ADAMTS9: variants seen among roughly 807,000 people sequenced by gnomAD.
ADAMTS9 encodes the protein ADAM metallopeptidase with thrombospondin type 1 motif 9.
ADAMTS9 carries 107 observed loss-of-function variants against 257.1 expected under a neutral mutation model. The ratio of observed to expected loss-of-function variants is 0.42; its 90% CI spans 0.36 to 0.49. ADAMTS9 has a LOEUF of 0.49. Ranked by LOEUF, ADAMTS9 falls within the 20% of genes least tolerant of loss-of-function variation. The pLI is 0.03. For synonymous variants in ADAMTS9, 982 were observed against 880.9 expected, an observed-to-expected ratio of 1.11 and a Z score of -2.03; for missense variants, 2,353 against 2,469.1, an observed-to-expected ratio of 0.95 and a Z score of 1.00.
chr3:64,598,409 T>C (rs1404333904), intron 26 of ADAMTS9, among the ~76,000 whole-genome samples: 1 of 151,230 alleles, frequency 6.6e-6, no homozygotes, highest in Non-Finnish European at 1.5e-5. Flanking sequence ...CCTCAACCTC[T>C]CAGCTCAAGC....
intron 3 of ADAMTS9, 21 bp downstream of exon 3, chr3:64,681,180 G>A (rs781221887): frequency 1.7e-5 from 28 of 1,605,906 alleles, no homozygotes; most frequent in East Asian, 2.2e-5. Flanking sequence ...TGGGCTCTCC[G>A]CTTAAGCAAG....
intron 28 of ADAMTS9, among the ~76,000 whole-genome samples, chr3:64,573,329 G>A (rs1331085037): frequency 6.6e-6 from 1 of 152,116 alleles, no homozygotes; most frequent in Non-Finnish European, 1.5e-5. Context: ...ATATGAAATG[G>A]GGGTGCTGAC....
At chr3:64,647,341 A>G (rs1200956650) in intron 11 of ADAMTS9, among the ~76,000 whole-genome samples, 1 of 152,214 alleles carries the variant, frequency 6.6e-6, no homozygotes, top group African/African-American at 2.4e-5. Context: ...TCCTAGGTGC[A>G]TGAGACACTG....
chr3:64,537,159 A>C (rs1268738741), intron 37 of ADAMTS9, among the ~76,000 whole-genome samples: 2 of 152,222 alleles, frequency 1.3e-5, no homozygotes, highest in African/African-American at 4.8e-5. Context: ...GCTGGGAAAA[A>C]ATACAAATTA....
intron 12 of ADAMTS9, among the ~76,000 whole-genome samples, chr3:64,634,938 G>A (rs931507721): frequency 2.0e-5 from 3 of 152,184 alleles, no homozygotes; most frequent in African/African-American, 7.2e-5. Context: ...TCTAGAGTTG[G>A]ATCTTGGTTC....
Position 64,655,677 on chromosome 3 carries a change from T to C in ADAMTS9, c.1068A>G (p.Ile356Met). The C allele has an allele frequency of 6.2e-7, 1 of 1,614,066 alleles. No individual in the cohort carries two copies. Among genetic ancestry groups the C allele is most frequent in the African/African-American group, 1.3e-5 (1 of 75,050 alleles). Residue 356 changes from isoleucine (I) to methionine (M), a missense_variant, in exon 6 of 40, where the codon ATA (isoleucine) becomes ATG (methionine). Ile to Met is a conservative substitution (Grantham distance 10). This residue lies in a region of ADAMTS9 where 591 missense variants were observed against 569.6 expected (regional missense o/e 1.04). Transcript: ENST00000498707. ...TTAATGTTGTCTGAGCATTAAAAGA[T>C]ATGGAAGGCCCATCCTAAATACAGA... is the stretch of plus-strand genomic sequence containing the variant. ...VIHNEQDGPS[I>M]SFNAQTTLKN...
At position 64,615,990 on chromosome 3, in the gene ADAMTS9, C is replaced by G; in HGVS notation, c.2994G>C (p.Thr998=). 1 of 1,613,634 alleles carries G rather than the reference C, an allele frequency of 6.2e-7. No individual in the cohort carries two copies. Among genetic ancestry groups the G allele is most frequent in the South Asian group, 1.1e-5 (1 of 91,058 alleles). ...TCCAGGCAGAATAGCGCCAGCCACC[C>G]GTGTTACATTCCCCTGAGCATTTTT... is the stretch of plus-strand genomic sequence containing the variant. ...NREKCSGECN[T]GGWRYSAWTE... The change falls in exon 20 of 40, where the codon ACG becomes ACC. Residue 998 remains threonine (T), a synonymous_variant. Coordinates refer to ENST00000498707, the MANE Select transcript of ADAMTS9 (RefSeq NM_182920.2).
chr3:64,519,939 G>A (rs1280982536), intron 39 of ADAMTS9, among the ~76,000 whole-genome samples: 1 of 152,118 alleles, frequency 6.6e-6, no homozygotes, highest in African/African-American at 2.4e-5. Context: ...GGAAATCTTA[G>A]CCAGAGCAAT....
chr3:64,672,196 A>G (rs1349683974), intron 3 of ADAMTS9, among the ~76,000 whole-genome samples: 1 of 152,206 alleles, frequency 6.6e-6, no homozygotes. Context: ...GATGGTTCCT[A>G]TGAAGGTGAA....
chr3:64,577,131 C>T (rs1373923171), intron 28 of ADAMTS9, among the ~76,000 whole-genome samples: 1 of 152,132 alleles, frequency 6.6e-6, no homozygotes, highest in Non-Finnish European at 1.5e-5. Context: ...AAATATTTTA[C>T]CGTTGTCTTT....
chr3:64,622,237 T>G lies in ADAMTS9; in HGVS notation c.2647A>C (p.Ser883Arg). Residue 883 changes from serine (S) to arginine (R), a missense_variant, in exon 18 of 40, where the codon AGT (serine) becomes CGT (arginine). By Grantham distance (110) the Ser-to-Arg change is moderately radical. Around this residue, in one of 3 missense-constraint regions of ADAMTS9, gnomAD observed 1,402 missense variants for 1,441.4 expected, o/e 0.97. Transcript: ENST00000498707. ...EDKPQQFYWNSHGPWQACSKP... is the reference protein window; with the variant it reads ...EDKPQQFYWNRHGPWQACSKP... ...CTGCATGCTTGCCATGGCCCATGACTGTTCCAGTAAAACTGCTGAGGTTTA... is the reference window on the plus strand; with the variant it reads ...CTGCATGCTTGCCATGGCCCATGACGGTTCCAGTAAAACTGCTGAGGTTTA... 1 of 1,614,070 alleles carries G rather than the reference T, an allele frequency of 6.2e-7. No homozygotes were observed. The highest frequency in any genetic ancestry group is 8.5e-7 in the Non-Finnish European group (1 of 1,179,972).
chr3:64,609,110 G>A (rs2084618542), intron 22 of ADAMTS9, among the ~76,000 whole-genome samples: 1 of 151,672 alleles, frequency 6.6e-6, no homozygotes, highest in Admixed American at 6.6e-5. Context: ...GCAATAAAAG[G>A]GAACTTATTC....
At chr3:64,573,752 T>G (rs1272491992) in intron 28 of ADAMTS9, among the ~76,000 whole-genome samples, 1 of 152,200 alleles carries the variant, frequency 6.6e-6, no homozygotes, top group Non-Finnish European at 1.5e-5. Flanking sequence ...AGGACTGCCT[T>G]TGCCAATGAC....
At chr3:64,543,943 C>A (rs1461098576) in intron 32 of ADAMTS9, among the ~76,000 whole-genome samples, 2 of 152,168 alleles carry the variant, frequency 1.3e-5, no homozygotes, top group African/African-American at 4.8e-5. Flanking sequence ...ATACAATGTG[C>A]AAAAATCACA....
chr3:64,638,276 G>C (rs1700550576), intron 12 of ADAMTS9, among the ~76,000 whole-genome samples: 1 of 152,106 alleles, frequency 6.6e-6, no homozygotes, highest in South Asian at 2.1e-4. Flanking sequence ...TTTTGTTTCA[G>C]CCACAAGGAA....
chr3:64,614,123 G>A (rs78561267), intron 21 of ADAMTS9, among the ~76,000 whole-genome samples: 8,044 of 152,132 alleles, frequency 0.053, 710 homozygotes, highest in African/African-American at 0.18. Flanking sequence ...TTTCTTTCCA[G>A]TCTTTTTAAG....
Position 64,658,775 on chromosome 3 carries a change from G to C in ADAMTS9, c.696C>G (p.His232Gln), listed in dbSNP as rs1395284859. The C allele has an allele frequency of 6.2e-7, 1 of 1,613,090 alleles. No individual in the cohort carries two copies. The highest frequency in any genetic ancestry group is 2.2e-5 in the East Asian group (1 of 44,858). ...CTCTGGTTTTCTTCTTGTCTTTACTGTGCCTATTTTTGTGTTCTGTAACAA... is the reference window on the plus strand; with the variant it reads ...CTCTGGTTTTCTTCTTGTCTTTACTCTGCCTATTTTTGTGTTCTGTAACAA... ...ACDTSEHKNR[H>Q]SKDKKKTRAR... Residue 232 changes from histidine to glutamine, a missense_variant, in exon 4 of 40, where the codon CAC (histidine) becomes CAG (glutamine). This residue lies in a region of ADAMTS9 where 591 missense variants were observed against 569.6 expected (regional missense o/e 1.04). Transcript: ENST00000498707.
At chr3:64,577,494 A>T (rs1291903553) in intron 28 of ADAMTS9, among the ~76,000 whole-genome samples, 1 of 152,164 alleles carries the variant, frequency 6.6e-6, no homozygotes, top group African/African-American at 2.4e-5. Flanking sequence ...GAAGACAGGG[A>T]GGGCGGTGGG....
At chr3:64,544,469 A>C (rs1012165360) in intron 32 of ADAMTS9, among the ~76,000 whole-genome samples, 4 of 152,170 alleles carry the variant, frequency 2.6e-5, no homozygotes, top group Non-Finnish European at 5.9e-5. Context: ...ACACATCTAC[A>C]ACCATCTGAC....
Sources: gnomAD v4.1 joint callset for allele counts (sites outside exome capture counted in the v4.1 genomes callset) on GRCh38, gnomAD v4.1.1 for gene constraint, gnomAD v4.1.1 regional missense constraint, MANE v1.5 for transcripts, NCBI Gene and HGNC (gene_info 2026-07-23, HGNC 2026-07-21) for gene names.